ZNF385B: variants seen among roughly 807,000 people sequenced by gnomAD.
ZNF385B encodes zinc finger protein 385B, also known as zinc finger protein 533.
A neutral mutation model predicts 39.2 loss-of-function variants in ZNF385B; 23 were observed. The ratio of observed to expected loss-of-function variants is 0.59; its 90% confidence interval spans 0.42 to 0.83. The LOEUF (loss-of-function observed/expected upper bound fraction) is 0.83. Among genes scored for constraint, ZNF385B ranks in the 40% least tolerant of loss-of-function variants. ZNF385B has a pLI of 0.00. For missense variants in ZNF385B, 552 were observed against 598.9 expected, an observed-to-expected ratio of 0.92 and a Z score of 0.82; for synonymous variants, 205 against 222.6, an observed-to-expected ratio of 0.92 and a Z score of 0.70.
chr2:179,507,382 A>T (rs900493345), intron 5 of ZNF385B, among the ~76,000 whole-genome samples: 3 of 152,094 alleles, frequency 2.0e-5, no homozygotes, highest in Admixed American at 6.6e-5. Context: ...TTAAATCCTG[A>T]CCATCTCTCA....
At chr2:179,602,526 T>C (rs1043308263) in intron 3 of ZNF385B, among the ~76,000 whole-genome samples, 4 of 152,136 alleles carry the variant, frequency 2.6e-5, no homozygotes, top group Non-Finnish European at 5.9e-5. Flanking sequence ...AAAATAATTA[T>C]GAACATTCTA....
At chr2:179,771,212 A>C (rs1183228516) in intron 1 of ZNF385B, among the ~76,000 whole-genome samples, 4 of 152,160 alleles carry the variant, frequency 2.6e-5, no homozygotes. Context: ...TTTTGATCCA[A>C]GTTGTCTCAG....
intron 1 of ZNF385B, among the ~76,000 whole-genome samples, chr2:179,832,101 A>C (rs1708018576): frequency 6.6e-6 from 1 of 152,202 alleles, no homozygotes; most frequent in Non-Finnish European, 1.5e-5. Context: ...CAAGCACAGC[A>C]GTCAGATTAA....
At chr2:179,508,083 A>T (rs550816672) in intron 5 of ZNF385B, among the ~76,000 whole-genome samples, 10 of 72,952 alleles carry the variant, frequency 1.4e-4, no homozygotes, top group African/African-American at 3.4e-4. Context: ...AGTGTAGTAA[A>T]CTTATTTTTT....
At chr2:179,693,210 T>C (rs1379662070) in intron 3 of ZNF385B, among the ~76,000 whole-genome samples, 1 of 152,236 alleles carries the variant, frequency 6.6e-6, no homozygotes. Flanking sequence ...CTACCAACTG[T>C]CAGGATAACG....
chr2:179,839,513 A>G (rs923262832), intron 1 of ZNF385B, among the ~76,000 whole-genome samples: 2 of 152,236 alleles, frequency 1.3e-5, no homozygotes, highest in African/African-American at 4.8e-5. Context: ...GACATTTCAT[A>G]ATGTATCTGT....
At chr2:179,494,387 G>A (rs11693292) in intron 5 of ZNF385B, among the ~76,000 whole-genome samples, 33,206 of 151,924 alleles carry the variant, frequency 0.22, 4,692 homozygotes, top group East Asian at 0.51. Flanking sequence ...AGAGGCTCGG[G>A]GTGAGGCAAA....
intron 3 of ZNF385B, among the ~76,000 whole-genome samples, chr2:179,692,707 A>G (rs1698447784): frequency 6.6e-6 from 1 of 152,142 alleles, no homozygotes. Context: ...ACCTCTCCAA[A>G]TATTAGCAAC....
At chr2:179,686,216 G>A (rs1315557062) in intron 3 of ZNF385B, among the ~76,000 whole-genome samples, 2 of 152,138 alleles carry the variant, frequency 1.3e-5, no homozygotes, top group African/African-American at 4.8e-5. Context: ...CAGCTGTAGT[G>A]AGGGACAACC....
chr2:179,443,893 T>C (rs182661608), intron 9 of ZNF385B, among the ~76,000 whole-genome samples: 103 of 152,314 alleles, frequency 6.8e-4, no homozygotes, highest in African/African-American at 2.0e-3. Flanking sequence ...ATAAGCTGCA[T>C]TGAGGTTAGG....
At chr2:179,697,745 A>G (rs1229374386) in intron 3 of ZNF385B, among the ~76,000 whole-genome samples, 1 of 152,212 alleles carries the variant, frequency 6.6e-6, no homozygotes, top group African/African-American at 2.4e-5. Flanking sequence ...CGAAATTTGT[A>G]AATGTGGGAA....
intron 3 of ZNF385B, among the ~76,000 whole-genome samples, chr2:179,639,835 AT>A (rs1254545025): frequency 1.3e-5 from 2 of 152,186 alleles, no homozygotes; most frequent in African/African-American, 4.8e-5. Context: ...TAATGTTTGA[AT>A]TTTTAAAAAG....
chr2:179,590,907 T>C (rs527593027), intron 3 of ZNF385B, among the ~76,000 whole-genome samples: 15 of 152,320 alleles, frequency 9.8e-5, no homozygotes, highest in African/African-American at 3.4e-4. Flanking sequence ...CTTTCCTTTA[T>C]AATTATCCAG....
chr2:179,444,934 G>T lies in ZNF385B; in HGVS notation c.1184C>A (p.Pro395Gln), dbSNP rs2049321258. ...GTAAGGGCTGTATTTTGGCTTCAGT[G>T]GTTTCCCTGCAACTCGATCTTTATG... ...RRHKDRVAGK[P>Q]LKPKYSPYNK... Residue 395 changes from proline to glutamine, a missense_variant, in exon 9 of 10, where the codon CCA becomes CAA. Pro to Gln is a moderately conservative substitution (Grantham distance 76). Transcript: ENST00000410066. 1.2e-6 allele frequency: 2 copies of T among 1,614,018 alleles called. No homozygotes were observed. Among genetic ancestry groups the T allele is most frequent in the East Asian group, 2.2e-5 (1 of 44,894 alleles).
At chr2:179,827,241 G>T (rs1489889905) in intron 1 of ZNF385B, among the ~76,000 whole-genome samples, 2 of 152,180 alleles carry the variant, frequency 1.3e-5, no homozygotes, top group African/African-American at 2.4e-5. Flanking sequence ...GCTGCAAGAA[G>T]CTGGGTATTT....
chr2:179,821,468 T>G (rs1268517189), intron 1 of ZNF385B, among the ~76,000 whole-genome samples: 3 of 152,088 alleles, frequency 2.0e-5, no homozygotes, highest in Non-Finnish European at 2.9e-5. Flanking sequence ...TTCCGTTCTT[T>G]TACATTTTAT....
intron 4 of ZNF385B, among the ~76,000 whole-genome samples, chr2:179,521,358 T>TTTTTG (rs1413098039): frequency 1.4e-5 from 2 of 145,832 alleles, no homozygotes; most frequent in Non-Finnish European, 3.0e-5. Flanking sequence ...GGCCAGTTTT[T>TTTTTG]TTTTTTTTTT....
chr2:179,656,255 G>T lies in ZNF385B; in HGVS notation c.299-111286C>A, dbSNP rs75172576. 6.3e-3 allele frequency among the ~76,000 whole-genome samples: 959 copies of T among 152,116 alleles called. 11 individuals carry two copies. Among genetic ancestry groups the T allele is most frequent in the African/African-American group, 0.021 (852 of 41,526 alleles). Reference sequence around the variant, plus strand: ...GTATTTATTATACAGTAGGCAATTTGCAGAAAGTTTTATGTATATTATTTT... The same window carrying T: ...GTATTTATTATACAGTAGGCAATTTTCAGAAAGTTTTATGTATATTATTTT... On this transcript the variant is annotated intron_variant, in intron 3 of 9. Coordinates refer to ENST00000410066, the MANE Select transcript of ZNF385B (RefSeq NM_152520.6).
At chr2:179,589,537 T>C (rs13012946) in intron 3 of ZNF385B, among the ~76,000 whole-genome samples, 66,902 of 152,038 alleles carry the variant, frequency 0.44, 15,246 homozygotes, top group Middle Eastern at 0.59. Flanking sequence ...TCTTACCTGT[T>C]GCGCAGAGAA....
Sources: gnomAD v4.1 joint callset for allele counts (sites outside exome capture counted in the v4.1 genomes callset) on GRCh38, gnomAD v4.1.1 for gene constraint, MANE v1.5 for transcripts, NCBI Gene and HGNC (gene_info 2026-07-23, HGNC 2026-07-21) for gene names.